Variants in EDA observed in about 807,000 individuals in gnomAD.
EDA encodes ectodysplasin A, also known as ectodysplasin-A.
EDA carries 2 observed loss-of-function variants against 23.6 expected under a neutral mutation model. The ratio of observed to expected loss-of-function variants is 0.08; its 90% CI spans 0.03 to 0.27. EDA has a LOEUF of 0.27. EDA is among the 10% of genes least tolerant of loss of function. The pLI, the probability that EDA is intolerant of heterozygous loss-of-function variation, is 1.00. For missense variants in EDA, 229 were observed against 324.2 expected, an observed-to-expected ratio of 0.71 and a Z score of 2.26; for synonymous variants, 131 against 132.0, an observed-to-expected ratio of 0.99 and a Z score of 0.05.
At position 69,645,602 on chromosome X, in the gene EDA, G is replaced by GTA. The variant is rs1182043625; in HGVS notation, c.396+28910_396+28911dup. Among the ~76,000 whole-genome samples the GTA allele has an allele frequency of 3.3e-4, 12 of 36,853 alleles. 2 individuals are homozygous for GTA. The highest frequency in any genetic ancestry group is 2.0e-3 in the African/African-American group (10 of 5,057). The allele number at this position is 36,853 out of a possible 115,157, so 32.0% of individuals were successfully genotyped here. A position where few individuals can be genotyped will look rare whatever the true frequency, so the allele number is the denominator to read the frequency against. On this transcript the variant is annotated intron_variant, in intron 1 of 7. Coordinates refer to ENST00000374552, the MANE Select transcript of EDA (RefSeq NM_001399.5). The stretch of plus-strand genomic sequence containing the variant: ...AGTTCTTTTATATATATGTGTGTGT[G>GTA]TATATATATATATGTGTGTGTATAT...
intron 7 of EDA, among the ~76,000 whole-genome samples, 182 bp downstream of exon 7, chrX:70,033,710 CTTTTGTTTTGTTTTG>C (rs757634498): frequency 1.8e-5 from 2 of 110,845 alleles, no homozygotes; most frequent in African/African-American, 6.6e-5. Flanking sequence ...GGGCCAGCTT[CTTTTGTTTTGTTTTG>C]TTTTGTTTTT....
intron 1 of EDA, among the ~76,000 whole-genome samples, chrX:69,636,514 T>C (rs781493907): frequency 1.7e-4 from 19 of 110,130 alleles, no homozygotes; most frequent in African/African-American, 6.3e-4. Flanking sequence ...GTCTACCTTA[T>C]CTAGTAAACT....
chrX:69,866,724 G>A (rs12839675), intron 1 of EDA, among the ~76,000 whole-genome samples: 33,353 of 110,935 alleles, frequency 0.3, 4,706 homozygotes, highest in Middle Eastern at 0.54. Flanking sequence ...TTGTAATCGT[G>A]ACTTCAAAAG....
Position 69,978,367 on chromosome X carries a change from G to T in EDA, c.502+21235G>T, listed in dbSNP as rs2019349052. Among the ~76,000 whole-genome samples, 3 of 97,681 alleles carry T rather than the reference G, an allele frequency of 3.1e-5. No homozygotes were observed. In the South Asian group the frequency reaches 1.6e-3, roughly 51 times the overall value. The allele number at this position is 97,681 out of a possible 115,157, so 84.8% of individuals were successfully genotyped here. ...AAAAAAAAAAAATTAGCTGGGTGTG[G>T]TGGTACACGTCTGTAATCCCAGCTA... is the stretch of plus-strand genomic sequence containing the variant. On this transcript the variant is annotated intron_variant, in intron 2 of 7. Coordinates refer to ENST00000374552, the MANE Select transcript of EDA (RefSeq NM_001399.5).
At chrX:69,833,483 A>G (rs2016677663) in intron 1 of EDA, among the ~76,000 whole-genome samples, 1 of 99,885 alleles carries the variant, frequency 1.0e-5, no homozygotes, top group Non-Finnish European at 2.0e-5. Flanking sequence ...CATCAGGGAT[A>G]TTGGTCTAAA....
intron 2 of EDA, among the ~76,000 whole-genome samples, chrX:70,020,127 A>G (rs947516852): frequency 8.9e-6 from 1 of 112,246 alleles, no homozygotes; most frequent in Admixed American, 9.4e-5. Flanking sequence ...AGTAAGCATG[A>G]CACTGAAGGC....
intron 1 of EDA, among the ~76,000 whole-genome samples, chrX:69,689,603 G>A (rs1482294297): frequency 1.8e-5 from 2 of 109,109 alleles, no homozygotes; most frequent in African/African-American, 6.6e-5. Context: ...CCAAAGTGCT[G>A]GGATTACAGG....
rs759099921 is a variant in EDA, at chrX:69,936,374, G to C, written c.397-20653G>C. ...CAATCACAAGGAATTTTTCCTGAAG[G>C]GGGTAAGACTGGTTTGAAAAGTCTT... is the stretch of plus-strand genomic sequence containing the variant. On this transcript the variant is annotated intron_variant, in intron 1 of 7. Transcript: ENST00000374552. Among the ~76,000 whole-genome samples the C allele has an allele frequency of 2.7e-5, 3 of 111,272 alleles. No individual in the cohort carries two copies. The South Asian group carries it at 1.1e-3, about 42-fold the overall frequency.
chrX:69,688,446 G>A (rs1313341022), intron 1 of EDA, among the ~76,000 whole-genome samples: 1 of 111,218 alleles, frequency 9.0e-6, no homozygotes, highest in Non-Finnish European at 1.9e-5. Flanking sequence ...GATCGCCCAG[G>A]CTGGAGTGCA....
At chrX:69,753,283 T>C (rs1167339107) in intron 1 of EDA, among the ~76,000 whole-genome samples, 5 of 112,080 alleles carry the variant, frequency 4.5e-5, no homozygotes, top group African/African-American at 1.6e-4. Context: ...TGTGTCTTTG[T>C]TCGCATTGGT....
intron 1 of EDA, among the ~76,000 whole-genome samples, chrX:69,728,013 G>A (rs1342143441): frequency 9.0e-6 from 1 of 110,963 alleles, no homozygotes. Context: ...GGGAGGCGGA[G>A]GTGGGCGGAT....
At chrX:69,620,830 T>G (rs1304758136) in intron 1 of EDA, 2 of 374,271 alleles carry the variant, frequency 5.3e-6, no homozygotes, top group African/African-American at 5.2e-5. Flanking sequence ...CTTGTTGAGT[T>G]GAATATTATT....
chrX:69,937,847 A>C, intron 1 of EDA: 1 of 1,195,875 alleles, frequency 8.4e-7, no homozygotes, highest in African/African-American at 1.7e-5. Context: ...GATAGTCAGC[A>C]TTGCTCCTGA....
chrX:69,824,199 A>G (rs1459154116), intron 1 of EDA, among the ~76,000 whole-genome samples: 1 of 110,203 alleles, frequency 9.1e-6, no homozygotes, highest in African/African-American at 3.3e-5. Context: ...TTGGTTCCAT[A>G]TGAACTTTAA....
intron 1 of EDA, among the ~76,000 whole-genome samples, chrX:69,709,632 G>A (rs1463938145): frequency 9.0e-6 from 1 of 111,486 alleles, no homozygotes; most frequent in East Asian, 2.8e-4. Context: ...AGCTCCTAGT[G>A]TCCACTGATT....
chrX:69,773,180 A>T (rs5936744), intron 1 of EDA, among the ~76,000 whole-genome samples: 5,946 of 112,310 alleles, frequency 0.053, 153 homozygotes, highest in Middle Eastern at 0.079. Context: ...CTTTACGATT[A>T]GCTTCTTTCA....
intron 1 of EDA, among the ~76,000 whole-genome samples, chrX:69,877,487 T>C (rs1045155017): frequency 2.7e-5 from 3 of 112,558 alleles, no homozygotes; most frequent in Non-Finnish European, 5.6e-5. Context: ...TATAATGTAG[T>C]AAAGTGTCAG....
chrX:69,859,791 T>A (rs890283088), intron 1 of EDA, among the ~76,000 whole-genome samples: 4 of 111,530 alleles, frequency 3.6e-5, no homozygotes, highest in African/African-American at 1.3e-4. Flanking sequence ...TAATTTTGTC[T>A]CAATGATCTG....
In EDA at chrX:69,796,807, C is replaced by T. The variant is rs767819603; in HGVS notation, c.397-160220C>T. 4.5e-5 allele frequency among the ~76,000 whole-genome samples: 5 copies of T among 110,789 alleles called. No homozygotes were observed. The South Asian group carries it at 1.1e-3, about 25-fold the overall frequency. On this transcript the variant is annotated intron_variant, in intron 1 of 7. Coordinates refer to ENST00000374552, the MANE Select transcript of EDA (RefSeq NM_001399.5). ...AGCTGAGTGAGATACAAGAGAATAC[C>T]GAAAAACAATACACAGAAATCAGAA...
Sources: gnomAD v4.1 joint callset for allele counts (sites outside exome capture counted in the v4.1 genomes callset) on GRCh38, gnomAD v4.1.1 for gene constraint, MANE v1.5 for transcripts, NCBI Gene and HGNC (gene_info 2026-07-23, HGNC 2026-07-21) for gene names.